The following PLXDC2 variants were observed in gnomAD, a reference collection of about 807,000 sequenced individuals.
PLXDC2 encodes plexin domain containing 2.
A neutral mutation model predicts 68.9 loss-of-function variants in PLXDC2; 40 were observed. The ratio of observed to expected loss-of-function variants is 0.58; its 90% CI spans 0.45 to 0.76. The LOEUF (loss-of-function observed/expected upper bound fraction) is 0.76, where lower values mean the gene tolerates loss of function less well. PLXDC2 is among the 30% of genes least tolerant of loss of function. The pLI, the probability that PLXDC2 is intolerant of heterozygous loss-of-function variation, is 0.00. For synonymous variants in PLXDC2, 243 were observed against 234.2 expected (o/e 1.04, Z -0.34); for missense variants, 644 against 661.9 (o/e 0.97, Z 0.30).
At chr10:20,144,757 T>C (rs1834050895) in intron 5 of PLXDC2, among the ~76,000 whole-genome samples, 1 of 152,196 alleles carries the variant, frequency 6.6e-6, no homozygotes, top group African/African-American at 2.4e-5. Context: ...AATGATTTAG[T>C]GAACACTGAC....
chr10:19,834,546 A>G (rs2131312192), intron 1 of PLXDC2, among the ~76,000 whole-genome samples: 1 of 152,356 alleles, frequency 6.6e-6, no homozygotes, highest in East Asian at 1.9e-4. Flanking sequence ...ATCTGGCAAT[A>G]GACTGTTTGT....
intron 4 of PLXDC2, among the ~76,000 whole-genome samples, chr10:20,130,599 T>C (rs1050718961): frequency 4.6e-5 from 7 of 152,154 alleles, no homozygotes; most frequent in African/African-American, 1.7e-4. Context: ...TTTAGCTTTT[T>C]ATCATTGAGT....
intron 13 of PLXDC2, among the ~76,000 whole-genome samples, chr10:20,246,339 C>T (rs1217077424): frequency 6.6e-6 from 1 of 152,134 alleles, no homozygotes; most frequent in Non-Finnish European, 1.5e-5. Context: ...GGGCCCCATG[C>T]ATATGCAGGT....
chr10:20,276,925 CT>C (rs1177812544), intron 13 of PLXDC2, among the ~76,000 whole-genome samples: 2 of 152,068 alleles, frequency 1.3e-5, no homozygotes, highest in East Asian at 3.9e-4. Context: ...TCTATGCTAA[CT>C]AAATATTCAG....
intron 12 of PLXDC2, among the ~76,000 whole-genome samples, chr10:20,236,038 T>G (rs898200231): frequency 6.6e-6 from 1 of 152,224 alleles, no homozygotes; most frequent in Non-Finnish European, 1.5e-5. Context: ...GAAAATAGTT[T>G]ATTAACCTCT....
chr10:19,927,713 CAAAAAA>C (rs35250324), intron 1 of PLXDC2, among the ~76,000 whole-genome samples: 6 of 53,146 alleles, frequency 1.1e-4, no homozygotes, highest in South Asian at 1.1e-3. Context: ...GGAAAAAAAG[CAAAAAA>C]AAAAAAAAAA....
chr10:19,891,073 C>G (rs376466704), intron 1 of PLXDC2, among the ~76,000 whole-genome samples: 4 of 152,136 alleles, frequency 2.6e-5, no homozygotes, highest in Non-Finnish European at 5.9e-5. Flanking sequence ...TATGCAATGG[C>G]AAGACATCTG....
At chr10:19,905,941 A>T (rs867561790) in intron 1 of PLXDC2, among the ~76,000 whole-genome samples, 6 of 152,082 alleles carry the variant, frequency 3.9e-5, no homozygotes, top group African/African-American at 1.2e-4. Context: ...ACAAAGATTT[A>T]CTGTGAATCT....
intron 1 of PLXDC2, among the ~76,000 whole-genome samples, chr10:19,929,822 A>G (rs1293065451): frequency 1.3e-5 from 2 of 152,176 alleles, no homozygotes; most frequent in Non-Finnish European, 2.9e-5. Context: ...TTTTATGTTA[A>G]TGCTCCCCAC....
chr10:20,034,210 C>T (rs75709077), intron 2 of PLXDC2, among the ~76,000 whole-genome samples: 2,678 of 152,134 alleles, frequency 0.018, 75 homozygotes, highest in African/African-American at 0.061. Context: ...AAATGCAATC[C>T]CAGAATTTCA....
intron 13 of PLXDC2, among the ~76,000 whole-genome samples, chr10:20,246,144 G>A (rs79149073): frequency 0.02 from 2,998 of 152,290 alleles, 57 homozygotes; most frequent in Non-Finnish European, 0.025. Flanking sequence ...CTTCATGTAC[G>A]GAATGTAGGT....
intron 7 of PLXDC2, among the ~76,000 whole-genome samples, chr10:20,175,412 T>C (rs575921890): frequency 5.3e-5 from 8 of 152,212 alleles, no homozygotes; most frequent in African/African-American, 1.4e-4. Context: ...TGACGCTCAG[T>C]GGCTCACACC....
At chr10:19,889,954 AGAG>A (rs1469858158) in intron 1 of PLXDC2, among the ~76,000 whole-genome samples, 2 of 152,222 alleles carry the variant, frequency 1.3e-5, no homozygotes, top group Non-Finnish European at 2.9e-5. Flanking sequence ...ACTGAGGCGT[AGAG>A]TAGTGACAGG....
chr10:19,960,329 A>C (rs529379950), intron 1 of PLXDC2, among the ~76,000 whole-genome samples: 6 of 152,118 alleles, frequency 3.9e-5, no homozygotes, highest in South Asian at 2.1e-4. Flanking sequence ...TCACCACTGC[A>C]CTCCAGCTTG....
intron 7 of PLXDC2, among the ~76,000 whole-genome samples, chr10:20,168,321 C>T (rs1042337671): frequency 1.3e-5 from 2 of 152,096 alleles, no homozygotes; most frequent in Non-Finnish European, 1.5e-5. Context: ...GTGTACACAG[C>T]ATGCATTACC....
chr10:20,278,002 G>A (rs76818584), intron 13 of PLXDC2, among the ~76,000 whole-genome samples: 2,213 of 152,262 alleles, frequency 0.015, 53 homozygotes, highest in African/African-American at 0.049. Flanking sequence ...GTCCATCCAC[G>A]TTGTTGTGAA....
At chr10:19,999,022 C>T (rs991569278) in intron 1 of PLXDC2, among the ~76,000 whole-genome samples, 2 of 152,126 alleles carry the variant, frequency 1.3e-5, no homozygotes, top group Admixed American at 6.5e-5. Flanking sequence ...GAGACTTCAT[C>T]GTTTCTAAGT....
At chr10:19,819,991 C>T (rs1201700078) in intron 1 of PLXDC2, among the ~76,000 whole-genome samples, 2 of 152,312 alleles carry the variant, frequency 1.3e-5, no homozygotes, top group East Asian at 1.9e-4. Context: ...CAATCAATGA[C>T]TTGAGGCTAC....
chr10:19,895,652 C>G (rs1442084606), intron 1 of PLXDC2, among the ~76,000 whole-genome samples: 1 of 152,126 alleles, frequency 6.6e-6, no homozygotes, highest in African/African-American at 2.4e-5. Flanking sequence ...AGTAGTCACA[C>G]GTGGCTAGTG....
Sources: allele counts gnomAD v4.1 joint callset (sites outside exome capture counted in the v4.1 genomes callset), GRCh38; gene constraint gnomAD v4.1.1; transcripts MANE v1.5; gene names NCBI Gene and HGNC (gene_info 2026-07-23, HGNC 2026-07-21).